SUPT3H: variants seen among roughly 807,000 people sequenced by gnomAD.
SUPT3H encodes the protein SPT3 homolog, SAGA and STAGA complex component.
A neutral mutation model predicts 44.3 loss-of-function variants in SUPT3H; 44 were observed. The observed-to-expected ratio is 0.99, with a 90% CI of 0.78 to 1.28. The LOEUF (loss-of-function observed/expected upper bound fraction) is 1.28. SUPT3H is among the 50% of genes most tolerant of loss of function. The pLI is 0.00. For synonymous variants in SUPT3H, 124 were observed against 125.6 expected (o/e 0.99, Z 0.09); for missense variants, 380 against 387.1 (o/e 0.98, Z 0.15).
chr6:45,353,764 G>A lies in SUPT3H; in HGVS notation c.101+11437C>T, dbSNP rs374232504. ...ATATATAAGACTGATTCAACTATAT[G>A]AGCAATGAAAACTCATTTTTTTTTT... On this transcript the variant is annotated intron_variant, in intron 2 of 10. Transcript: ENST00000371459. Among the ~76,000 whole-genome samples, 46 of 151,888 alleles carry A rather than the reference G, an allele frequency of 3.0e-4. 1 individual carries two copies. Among genetic ancestry groups the A allele is most frequent in the East Asian group, 1.4e-3 (7 of 5,158 alleles).
At position 45,026,377 on chromosome 6, in the gene SUPT3H, G is replaced by A. The variant is rs188619851; in HGVS notation, c.187-5745C>T. ...CATCAAATAAGTTCTCTAGATTTGT[G>A]GGTTTATGTTTCTCTTTTATTTGAA... is the stretch of plus-strand genomic sequence containing the variant. On this transcript the variant is annotated intron_variant, in intron 3 of 10. Coordinates refer to ENST00000371459, the MANE Select transcript of SUPT3H (RefSeq NM_003599.4). Among the ~76,000 whole-genome samples the A allele has an allele frequency of 4.9e-4, 74 of 152,034 alleles. 1 individual carries two copies. In the East Asian group the frequency reaches 0.012, roughly 25 times the overall value.
chr6:45,079,771 C>A (rs1312330136), intron 3 of SUPT3H, among the ~76,000 whole-genome samples: 1 of 152,192 alleles, frequency 6.6e-6, no homozygotes, highest in East Asian at 1.9e-4. Context: ...ACTAGACCCA[C>A]ATCTCTTGCC....
At chr6:44,927,808 T>C (rs1436270432) in intron 10 of SUPT3H, among the ~76,000 whole-genome samples, 2 of 152,194 alleles carry the variant, frequency 1.3e-5, no homozygotes, top group Non-Finnish European at 2.9e-5. Flanking sequence ...CACATTATTA[T>C]TGAAATTTTT....
intron 2 of SUPT3H, among the ~76,000 whole-genome samples, chr6:45,362,671 T>C (rs1023976285): frequency 4.6e-5 from 7 of 152,306 alleles, no homozygotes; most frequent in East Asian, 3.9e-4. Flanking sequence ...ATGTAACTAT[T>C]AGGAGTGGCC....
chr6:45,192,495 A>C (rs1815310719), intron 2 of SUPT3H, among the ~76,000 whole-genome samples: 1 of 152,164 alleles, frequency 6.6e-6, no homozygotes. Context: ...TATGTTTTTA[A>C]AGAGTATGTT....
chr6:45,025,899 A>C (rs938697267), intron 3 of SUPT3H, among the ~76,000 whole-genome samples: 1 of 150,054 alleles, frequency 6.7e-6, no homozygotes, highest in Admixed American at 6.7e-5. Flanking sequence ...AAAAAAAAAA[A>C]ATGTACAACA....
At chr6:45,051,428 A>G (rs1479703985) in intron 3 of SUPT3H, among the ~76,000 whole-genome samples, 4 of 152,114 alleles carry the variant, frequency 2.6e-5, no homozygotes, top group African/African-American at 4.8e-5. Flanking sequence ...AGAAAAAGGT[A>G]TAACACATCA....
chr6:44,966,617 G>T (rs1044371385), intron 6 of SUPT3H, among the ~76,000 whole-genome samples: 4 of 151,974 alleles, frequency 2.6e-5, no homozygotes, highest in African/African-American at 9.7e-5. Context: ...GGTATACAAA[G>T]TTTCTCAGAA....
At chr6:45,034,408 A>T (rs1787380629) in intron 3 of SUPT3H, among the ~76,000 whole-genome samples, 1 of 152,108 alleles carries the variant, frequency 6.6e-6, no homozygotes, top group South Asian at 2.1e-4. Context: ...TGAAAAAAGG[A>T]TCTAGAGAGA....
At position 45,159,905 on chromosome 6, in the gene SUPT3H, C is replaced by T. The variant is rs543156476; in HGVS notation, c.102-53899G>A. ...ACCAGAAGTCACAGTTAAAACACACCCACACCTACATATACCCAAATAACA... is the reference window on the plus strand; with the variant it reads ...ACCAGAAGTCACAGTTAAAACACACTCACACCTACATATACCCAAATAACA... On this transcript the variant is annotated intron_variant, in intron 2 of 10. Transcript: ENST00000371459. Among the ~76,000 whole-genome samples, 9 of 152,160 alleles carry T rather than the reference C, an allele frequency of 5.9e-5. 1 individual carries two copies. The South Asian group carries it at 1.7e-3, about 28-fold the overall frequency.
chr6:45,160,065 G>C (rs1317301525), intron 2 of SUPT3H, among the ~76,000 whole-genome samples: 1 of 152,146 alleles, frequency 6.6e-6, no homozygotes, highest in Non-Finnish European at 1.5e-5. Context: ...GTAGGTACCA[G>C]AAGAACTAAT....
chr6:45,025,864 C>G (rs879289415), intron 3 of SUPT3H, among the ~76,000 whole-genome samples: 1 of 134,180 alleles, frequency 7.5e-6, no homozygotes, highest in Non-Finnish European at 1.5e-5. Context: ...GCCTGGATGA[C>G]AGAGCGAGAC....
chr6:44,896,882 TGAA>T (rs1764200377), intron 10 of SUPT3H, among the ~76,000 whole-genome samples: 1 of 152,176 alleles, frequency 6.6e-6, no homozygotes, highest in Non-Finnish European at 1.5e-5. Context: ...GATGACACAA[TGAA>T]GATGGCTGTA....
At chr6:45,300,616 T>C (rs1781995258) in intron 2 of SUPT3H, among the ~76,000 whole-genome samples, 1 of 152,172 alleles carries the variant, frequency 6.6e-6, no homozygotes, top group African/African-American at 2.4e-5. Flanking sequence ...AAGCGACGGC[T>C]TAATGGGTTT....
chr6:44,845,445 CTG>C (rs1055026427), intron 10 of SUPT3H, among the ~76,000 whole-genome samples: 54 of 152,276 alleles, frequency 3.5e-4, no homozygotes, highest in African/African-American at 1.3e-3. Context: ...CTTTCAAAAA[CTG>C]TTTTGGTACT....
chr6:45,253,039 G>A (rs1216704427), intron 2 of SUPT3H, among the ~76,000 whole-genome samples: 1 of 151,662 alleles, frequency 6.6e-6, no homozygotes, highest in Non-Finnish European at 1.5e-5. Flanking sequence ...TACCTAGCAT[G>A]ACATCGAAGC....
At chr6:45,199,894 T>C (rs1650327664) in intron 2 of SUPT3H, among the ~76,000 whole-genome samples, 2 of 151,420 alleles carry the variant, frequency 1.3e-5, no homozygotes, top group Admixed American at 1.3e-4. Context: ...AGAGCCTTAT[T>C]TATGTGAGTC....
At chr6:45,111,658 C>G (rs1284976) in intron 2 of SUPT3H, among the ~76,000 whole-genome samples, 4,476 of 152,104 alleles carry the variant, frequency 0.029, 92 homozygotes, top group Non-Finnish European at 0.047. Context: ...AGTCTCAAAA[C>G]AGAAACAAAT....
intron 2 of SUPT3H, among the ~76,000 whole-genome samples, chr6:45,315,272 A>C (rs1455837419): frequency 6.6e-6 from 1 of 151,146 alleles, no homozygotes; most frequent in East Asian, 1.9e-4. Context: ...CAATAAAAAC[A>C]AAAAAAAATA....
Sources: gnomAD v4.1 joint callset for allele counts (sites outside exome capture counted in the v4.1 genomes callset) on GRCh38, gnomAD v4.1.1 for gene constraint, MANE v1.5 for transcripts, NCBI Gene and HGNC (gene_info 2026-07-23, HGNC 2026-07-21) for gene names.